The following MGMT variants were observed in gnomAD, a reference collection of about 807,000 sequenced individuals.
MGMT encodes O-6-methylguanine-DNA methyltransferase.
In MGMT, 14 loss-of-function variants were observed where a neutral mutation model predicts 15.9. The observed-to-expected ratio is 0.88, with a 90% CI of 0.58 to 1.37. The LOEUF (loss-of-function observed/expected upper bound fraction) is 1.37, where lower values mean the gene tolerates loss of function less well. Among genes scored for constraint, MGMT ranks in the 40% most tolerant of loss-of-function variants. The pLI, the probability that MGMT is intolerant of heterozygous loss-of-function variation, is 0.00. For synonymous variants in MGMT, 130 were observed against 118.2 expected (o/e 1.10, Z -0.65); for missense variants, 282 against 268.1 (o/e 1.05, Z -0.36).
intron 2 of MGMT, among the ~76,000 whole-genome samples, chr10:129,697,753 G>A (rs2133132974): frequency 6.6e-6 from 1 of 152,304 alleles, no homozygotes; most frequent in African/African-American, 2.4e-5. Context: ...AACTTCTGGA[G>A]TCAGCCACCT....
At chr10:129,619,597 G>A (rs1474508937) in intron 2 of MGMT, among the ~76,000 whole-genome samples, 1 of 151,884 alleles carries the variant, frequency 6.6e-6, no homozygotes, top group Non-Finnish European at 1.5e-5. Flanking sequence ...AAAAACATCT[G>A]GGCCTGGAAT....
chr10:129,517,675 T>C (rs1378120352), intron 1 of MGMT, among the ~76,000 whole-genome samples: 1 of 152,174 alleles, frequency 6.6e-6, no homozygotes, highest in Non-Finnish European at 1.5e-5. Context: ...AGCGCTCGCC[T>C]CTGTCCTTTT....
At position 129,531,405 on chromosome 10, in the gene MGMT, A is replaced by G. The variant is rs561494595; in HGVS notation, c.-12-4836A>G. Among the ~76,000 whole-genome samples, 12 of 152,018 alleles carry G rather than the reference A, an allele frequency of 7.9e-5. No homozygotes were observed. In the South Asian group the frequency reaches 2.5e-3, roughly 32 times the overall value. On this transcript the variant is annotated intron_variant, in intron 1 of 4. Transcript: ENST00000651593. ...TTCACTCCTGTCAGGTTTTCATGCT[A>G]TTGAAACTCACTTTTCTCACTGCCT...
chr10:129,584,365 C>T (rs1161966331), intron 2 of MGMT, among the ~76,000 whole-genome samples: 1 of 152,106 alleles, frequency 6.6e-6, no homozygotes, highest in African/African-American at 2.4e-5. Flanking sequence ...ATTGCCAGCA[C>T]ACACGAATCA....
intron 2 of MGMT, among the ~76,000 whole-genome samples, chr10:129,568,573 T>C (rs899362459): frequency 1.3e-5 from 2 of 152,202 alleles, no homozygotes; most frequent in African/African-American, 4.8e-5. Flanking sequence ...TTGGGAGACA[T>C]TTTAGAAATA....
chr10:129,607,131 T>C (rs894369904), intron 2 of MGMT, among the ~76,000 whole-genome samples: 63 of 152,144 alleles, frequency 4.1e-4, no homozygotes, highest in African/African-American at 1.4e-3. Flanking sequence ...TACAAGGGAG[T>C]AACTTCTTGG....
intron 2 of MGMT, among the ~76,000 whole-genome samples, chr10:129,550,326 G>A (rs58370027): frequency 5.8e-5 from 8 of 139,086 alleles, no homozygotes; most frequent in South Asian, 2.3e-4. Flanking sequence ...CACCACCGCC[G>A]CCCAGCACCG....
intron 3 of MGMT, among the ~76,000 whole-genome samples, chr10:129,724,692 A>G (rs1464527202): frequency 6.6e-6 from 1 of 152,170 alleles, no homozygotes; most frequent in African/African-American, 2.4e-5. Flanking sequence ...GGGTGGAGAG[A>G]TGGATAGATA....
At chr10:129,565,635 A>G (rs2119816560) in intron 2 of MGMT, among the ~76,000 whole-genome samples, 1 of 152,246 alleles carries the variant, frequency 6.6e-6, no homozygotes, top group East Asian at 1.9e-4. Flanking sequence ...GCGCACCTGT[A>G]ACAGGAGCCG....
At chr10:129,504,790 C>T (rs533115012) in intron 1 of MGMT, among the ~76,000 whole-genome samples, 1 of 152,146 alleles carries the variant, frequency 6.6e-6, no homozygotes, top group Admixed American at 6.6e-5. Context: ...CCCACTGTTG[C>T]CTGGGAATCC....
chr10:129,709,683 C>G (rs975575475), intron 3 of MGMT, among the ~76,000 whole-genome samples: 18 of 152,062 alleles, frequency 1.2e-4, no homozygotes, highest in Non-Finnish European at 5.9e-5. Context: ...CTGAAGTTTA[C>G]CTAAGGTTTG....
intron 3 of MGMT, among the ~76,000 whole-genome samples, chr10:129,741,415 C>T (rs1028213493): frequency 1.3e-5 from 2 of 152,298 alleles, no homozygotes; most frequent in South Asian, 2.1e-4. Flanking sequence ...GCGTGTGGTG[C>T]GAGGCGTGCA....
At chr10:129,498,538 T>C (rs372008236) in intron 1 of MGMT, among the ~76,000 whole-genome samples, 29 of 152,338 alleles carry the variant, frequency 1.9e-4, no homozygotes, top group African/African-American at 6.5e-4. Context: ...CAGCGTAGAC[T>C]CATGGATATT....
intron 2 of MGMT, among the ~76,000 whole-genome samples, chr10:129,577,349 T>A (rs939037812): frequency 4.6e-5 from 7 of 152,168 alleles, no homozygotes; most frequent in African/African-American, 1.7e-4. Flanking sequence ...TATAGACCAA[T>A]GGAACAGAAC....
intron 1 of MGMT, among the ~76,000 whole-genome samples, chr10:129,468,622 C>T (rs982883143): frequency 1.3e-5 from 2 of 151,942 alleles, no homozygotes; most frequent in Admixed American, 6.6e-5. Flanking sequence ...CAGTGGGTCA[C>T]GCCTGTAATC....
At chr10:129,517,224 A>G (rs1342779469) in intron 1 of MGMT, among the ~76,000 whole-genome samples, 4 of 152,198 alleles carry the variant, frequency 2.6e-5, no homozygotes, top group Non-Finnish European at 4.4e-5. Flanking sequence ...AGTCTTCTGA[A>G]TGGACCTCAG....
chr10:129,697,551 A>G (rs1358554595), intron 2 of MGMT, among the ~76,000 whole-genome samples: 1 of 152,206 alleles, frequency 6.6e-6, no homozygotes, highest in African/African-American at 2.4e-5. Flanking sequence ...GGAGGAATAA[A>G]TAGAACAGCT....
At chr10:129,672,372 A>G (rs1315975438) in intron 2 of MGMT, among the ~76,000 whole-genome samples, 1 of 152,240 alleles carries the variant, frequency 6.6e-6, no homozygotes, top group African/African-American at 2.4e-5. Context: ...TCCTGAATCT[A>G]TAGCTCAATG....
chr10:129,533,084 C>G lies in MGMT; in HGVS notation c.-12-3157C>G, dbSNP rs1023244296. On this transcript the variant is annotated intron_variant, in intron 1 of 4. Coordinates refer to ENST00000651593, the MANE Select transcript of MGMT (RefSeq NM_002412.5). The surrounding 1 kb of genome is among the most constrained non-coding windows in gnomAD (Gnocchi z 4.5). ...GAGAATCAACGGTGGCCATAGCCAC[C>G]ACATCCTGTTTCCAGGGGCAATGGT... Among the ~76,000 whole-genome samples, 1 of 152,242 alleles carries G rather than the reference C, an allele frequency of 6.6e-6. No homozygotes were observed. Among genetic ancestry groups the G allele is most frequent in the Non-Finnish European group, 1.5e-5 (1 of 68,042 alleles).
Sources: allele counts gnomAD v4.1 joint callset (sites outside exome capture counted in the v4.1 genomes callset), GRCh38; gene constraint gnomAD v4.1.1; non-coding constraint Gnocchi (gnomAD v3.1); transcripts MANE v1.5; gene names NCBI Gene and HGNC (gene_info 2026-07-23, HGNC 2026-07-21).